Variants in NAALADL2 observed in about 807,000 individuals in gnomAD.
NAALADL2 encodes inactive N-acetylated-alpha-linked acidic dipeptidase-like protein 2.
A neutral mutation model predicts 87.2 loss-of-function variants in NAALADL2; 76 were observed. The ratio of observed to expected loss-of-function variants is 0.87; its 90% confidence interval spans 0.72 to 1.05. The LOEUF is 1.05. NAALADL2 is among the 50% of genes least tolerant of loss of function. The pLI is 0.00. For synonymous variants in NAALADL2, 354 were observed against 331.0 expected, an observed-to-expected ratio of 1.07 and a Z score of -0.75; for missense variants, 1,089 against 945.8, an observed-to-expected ratio of 1.15 and a Z score of -1.99.
chr3:175,182,491 A>T (rs1560130252), intron 2 of NAALADL2, among the ~76,000 whole-genome samples: 1 of 148,070 alleles, frequency 6.8e-6, no homozygotes, highest in African/African-American at 2.5e-5. Flanking sequence ...GGGCTCAAGC[A>T]GCCCTTCCAA....
At chr3:175,070,783 A>G (rs986748535) in intron 1 of NAALADL2, among the ~76,000 whole-genome samples, 4 of 152,116 alleles carry the variant, frequency 2.6e-5, no homozygotes, top group Admixed American at 2.0e-4. Context: ...AAGTAAATAC[A>G]TATTTATTAA....
intron 6 of NAALADL2, among the ~76,000 whole-genome samples, chr3:175,450,797 G>A (rs929579770): frequency 6.6e-6 from 1 of 152,192 alleles, no homozygotes; most frequent in Non-Finnish European, 1.5e-5. Flanking sequence ...AATGGATGTT[G>A]AGAAAGCAAG....
At chr3:174,922,068 G>A (rs1475888605) in intron 1 of NAALADL2, among the ~76,000 whole-genome samples, 6 of 151,936 alleles carry the variant, frequency 3.9e-5, no homozygotes. Context: ...GCAGTTTGGA[G>A]GCCAAGGCAG....
At chr3:174,839,142 A>C (rs1357602926) in intron 3 of NAALADL2, among the ~76,000 whole-genome samples, 1 of 152,246 alleles carries the variant, frequency 6.6e-6, no homozygotes, top group Non-Finnish European at 1.5e-5. Flanking sequence ...TTATAAAAAT[A>C]GGCATATACA....
chr3:175,726,748 AC>A (rs1209820665), intron 11 of NAALADL2, among the ~76,000 whole-genome samples: 3 of 152,126 alleles, frequency 2.0e-5, no homozygotes, highest in African/African-American at 7.2e-5. Flanking sequence ...TTGAGGGAGT[AC>A]CCAAACTAGG....
intron 5 of NAALADL2, among the ~76,000 whole-genome samples, chr3:175,391,094 T>G (rs1407384205): frequency 6.6e-6 from 1 of 152,194 alleles, no homozygotes; most frequent in Non-Finnish European, 1.5e-5. Flanking sequence ...TATTAGAGTA[T>G]GTTCAGTAAT....
chr3:174,815,408 A>G (rs1302991194), intron 3 of NAALADL2, among the ~76,000 whole-genome samples: 1 of 150,274 alleles, frequency 6.7e-6, no homozygotes, highest in Non-Finnish European at 1.5e-5. Flanking sequence ...CTGTACATGT[A>G]TGTGTCCAAA....
At chr3:175,305,591 C>T (rs564753379) in intron 4 of NAALADL2, among the ~76,000 whole-genome samples, 6 of 152,076 alleles carry the variant, frequency 3.9e-5, no homozygotes, top group East Asian at 1.9e-4. Context: ...GGCACAATCT[C>T]GGCTCACCGC....
At chr3:175,107,815 A>G (rs937083632) in intron 2 of NAALADL2, among the ~76,000 whole-genome samples, 2 of 151,866 alleles carry the variant, frequency 1.3e-5, no homozygotes, top group South Asian at 2.1e-4. Context: ...TTGAAATTCT[A>G]TGTATCTAAC....
chr3:174,797,305 CTTT>C (rs1160338109), intron 3 of NAALADL2, among the ~76,000 whole-genome samples: 5,179 of 71,252 alleles, frequency 0.073, 33 homozygotes, highest in Middle Eastern at 0.096. Flanking sequence ...TTTCTTTTTT[CTTT>C]TTTTTTTTTT....
chr3:175,510,493 TA>T (rs572688268), intron 9 of NAALADL2, among the ~76,000 whole-genome samples: 486 of 152,320 alleles, frequency 3.2e-3, no homozygotes, highest in Non-Finnish European at 4.9e-3. Context: ...GCAAGTCTCC[TA>T]AAAAGAATAT....
chr3:175,439,980 G>T (rs1240071871), intron 5 of NAALADL2, among the ~76,000 whole-genome samples: 10 of 152,104 alleles, frequency 6.6e-5, no homozygotes, highest in African/African-American at 2.4e-4. Context: ...GTCTAGAAGG[G>T]TTTTTTCCCA....
At chr3:175,163,303 G>C (rs1177263212) in intron 2 of NAALADL2, among the ~76,000 whole-genome samples, 1 of 152,038 alleles carries the variant, frequency 6.6e-6, no homozygotes, top group African/African-American at 2.4e-5. Flanking sequence ...CATCCAGATT[G>C]TATAAACTTA....
chr3:175,595,299 A>G (rs1178262703), intron 10 of NAALADL2, among the ~76,000 whole-genome samples: 1 of 151,906 alleles, frequency 6.6e-6, no homozygotes, highest in African/African-American at 2.4e-5. Context: ...CAAAGATTAG[A>G]TGGTTGTAGG....
At chr3:174,862,990 T>G (rs1361287946) in intron 1 of NAALADL2, among the ~76,000 whole-genome samples, 1 of 152,084 alleles carries the variant, frequency 6.6e-6, no homozygotes. Context: ...TAGCTCTAGA[T>G]AGCAACCAGC....
chr3:174,730,576 A>G (rs1200133957), intron 2 of NAALADL2, among the ~76,000 whole-genome samples: 5 of 152,164 alleles, frequency 3.3e-5, no homozygotes, highest in African/African-American at 9.6e-5. Flanking sequence ...ATAGAGAACT[A>G]ACGGATATTT....
chr3:175,474,905 G>A (rs749942283), intron 9 of NAALADL2, among the ~76,000 whole-genome samples: 2 of 151,806 alleles, frequency 1.3e-5, no homozygotes, highest in South Asian at 4.2e-4. Flanking sequence ...ACCTTGCTCT[G>A]CCCCAAGTCC....
intron 3 of NAALADL2, among the ~76,000 whole-genome samples, chr3:174,787,929 CAAACAAAACA>C: frequency 1.3e-5 from 2 of 151,812 alleles, no homozygotes; most frequent in South Asian, 4.2e-4. Context: ...TGTCAAAAAA[CAAACAAAACA>C]AAACAAAACA....
chr3:175,496,852 G>T (rs1728886656), intron 9 of NAALADL2, among the ~76,000 whole-genome samples: 1 of 151,920 alleles, frequency 6.6e-6, no homozygotes, highest in Non-Finnish European at 1.5e-5. Flanking sequence ...GAGCCACCAG[G>T]CCTGGCTGAT....
Sources: gnomAD v4.1 joint callset for allele counts (sites outside exome capture counted in the v4.1 genomes callset) on GRCh38, gnomAD v4.1.1 for gene constraint, MANE v1.5 for transcripts, NCBI Gene and HGNC (gene_info 2026-07-23, HGNC 2026-07-21) for gene names.